Variants in CEP112 observed in about 807,000 individuals in gnomAD.
The protein encoded by CEP112 is centrosomal protein of 112 kDa.
In CEP112, 127 loss-of-function variants were observed where a neutral mutation model predicts 153.0. The observed-to-expected ratio is 0.83, with a 90% CI of 0.72 to 0.96. CEP112 has a LOEUF of 0.96. CEP112 is among the 40% of genes least tolerant of loss of function. The pLI is 0.00. For synonymous variants in CEP112, 358 were observed against 374.4 expected, an observed-to-expected ratio of 0.96 and a Z score of 0.51; for missense variants, 1,089 against 1,101.2, an observed-to-expected ratio of 0.99 and a Z score of 0.16.
chr17:65,690,062 T>C (rs1325934577), intron 23 of CEP112, among the ~76,000 whole-genome samples: 1 of 142,478 alleles, frequency 7.0e-6, no homozygotes, highest in African/African-American at 2.6e-5. Flanking sequence ...TCCTGCTGTG[T>C]GTCAAGAATT....
chr17:66,181,345 TA>T (rs1042714022), intron 2 of CEP112, among the ~76,000 whole-genome samples: 1 of 152,158 alleles, frequency 6.6e-6, no homozygotes, highest in African/African-American at 2.4e-5. Context: ...TCTATGTACC[TA>T]ACTTTTTTTT....
intron 1 of CEP112, among the ~76,000 whole-genome samples, chr17:66,185,379 T>C (rs2072885790): frequency 1.3e-5 from 2 of 152,080 alleles, no homozygotes; most frequent in Admixed American, 6.5e-5. Context: ...CACACCACCA[T>C]GCCCGGCTAA....
intron 4 of CEP112, among the ~76,000 whole-genome samples, chr17:66,133,739 T>G (rs1349370647): frequency 2.0e-5 from 3 of 152,172 alleles, no homozygotes; most frequent in African/African-American, 7.2e-5. Flanking sequence ...GTCACTAACA[T>G]TCAACCACAA....
chr17:65,840,146 G>T (rs1205509963), intron 21 of CEP112, among the ~76,000 whole-genome samples: 6 of 152,010 alleles, frequency 3.9e-5, no homozygotes, highest in Non-Finnish European at 8.8e-5. Context: ...ATTCTTCAGA[G>T]AAATATAAAA....
At chr17:66,070,919 G>A (rs1392980154) in intron 8 of CEP112, among the ~76,000 whole-genome samples, 4 of 151,980 alleles carry the variant, frequency 2.6e-5, no homozygotes, top group African/African-American at 9.7e-5. Flanking sequence ...GCTAATTAAG[G>A]AAAAGTATCC....
chr17:65,731,358 C>A (rs1170786520), intron 23 of CEP112, among the ~76,000 whole-genome samples: 3 of 152,158 alleles, frequency 2.0e-5, no homozygotes, highest in Non-Finnish European at 4.4e-5. Context: ...TGTGCGATAG[C>A]ATTATGTCTA....
At chr17:66,079,767 A>C (rs1356855799) in intron 8 of CEP112, among the ~76,000 whole-genome samples, 1 of 152,188 alleles carries the variant, frequency 6.6e-6, no homozygotes, top group Non-Finnish European at 1.5e-5. Context: ...CTATGCTACA[A>C]GGCTACATAA....
At chr17:65,989,244 AAAAAAAAG>A (rs59166558) in intron 17 of CEP112, among the ~76,000 whole-genome samples, 9,280 of 133,624 alleles carry the variant, frequency 0.069, 483 homozygotes, top group African/African-American at 0.13. Flanking sequence ...CAAAAAAAAA[AAAAAAAAG>A]AAAGAAAGAA....
intron 21 of CEP112, among the ~76,000 whole-genome samples, chr17:65,834,860 G>A (rs571582340): frequency 6.6e-6 from 1 of 152,114 alleles, no homozygotes; most frequent in African/African-American, 2.4e-5. Context: ...ATACCCAAAG[G>A]AATATAAATC....
chr17:65,720,135 C>G (rs1323855926), intron 23 of CEP112, among the ~76,000 whole-genome samples: 1 of 152,166 alleles, frequency 6.6e-6, no homozygotes, highest in Non-Finnish European at 1.5e-5. Context: ...TGACATGAAC[C>G]GCATTTGGGA....
chr17:65,746,180 A>AG (rs1432212493), intron 22 of CEP112, among the ~76,000 whole-genome samples: 1 of 150,476 alleles, frequency 6.6e-6, no homozygotes, highest in Non-Finnish European at 1.5e-5. Flanking sequence ...AAAAAAAAAA[A>AG]AAAAAAAAGA....
intron 4 of CEP112, among the ~76,000 whole-genome samples, chr17:66,153,468 CAAAAA>C (rs11303537): frequency 4.0e-5 from 5 of 123,658 alleles, no homozygotes; most frequent in Non-Finnish European, 6.7e-5. Context: ...TAGAAAAGGC[CAAAAA>C]AAAAAAAAAA....
intron 21 of CEP112, among the ~76,000 whole-genome samples, chr17:65,837,223 A>C (rs1288965589): frequency 6.6e-6 from 1 of 150,902 alleles, no homozygotes. Context: ...CCCGGCCGCC[A>C]CCCCGTCTAG....
intron 20 of CEP112, among the ~76,000 whole-genome samples, chr17:65,887,133 G>A (rs954842284): frequency 6.6e-6 from 1 of 152,160 alleles, no homozygotes; most frequent in Admixed American, 6.5e-5. Context: ...GGATATGCCT[G>A]TAACTTATAA....
chr17:65,643,196 G>C, intron 24 of CEP112, among the ~76,000 whole-genome samples: 1 of 152,228 alleles, frequency 6.6e-6, no homozygotes, highest in Non-Finnish European at 1.5e-5. Flanking sequence ...AGGTGAGCTT[G>C]ATCTCATCAT....
intron 17 of CEP112, among the ~76,000 whole-genome samples, chr17:65,994,480 C>T (rs968737654): frequency 6.6e-6 from 1 of 152,074 alleles, no homozygotes; most frequent in Non-Finnish European, 1.5e-5. Flanking sequence ...GAGGCATGTG[C>T]CACCCAGCCA....
intron 8 of CEP112, among the ~76,000 whole-genome samples, chr17:66,095,279 T>C (rs978917419): frequency 4.6e-5 from 7 of 151,976 alleles, no homozygotes; most frequent in African/African-American, 1.7e-4. Flanking sequence ...ATGTGATATA[T>C]ATATACACAT....
At chr17:65,917,237 G>A (rs1158435626) in intron 19 of CEP112, among the ~76,000 whole-genome samples, 6 of 152,150 alleles carry the variant, frequency 3.9e-5, no homozygotes, top group Non-Finnish European at 7.4e-5. Context: ...AGGACCACAG[G>A]GGCTGATATG....
chr17:65,775,627 C>T (rs12938557), intron 21 of CEP112, among the ~76,000 whole-genome samples: 77,313 of 151,438 alleles, frequency 0.51, 21,355 homozygotes, highest in Non-Finnish European at 0.63. Context: ...CTCAGCCTCC[C>T]GAGTAGTTGG....
Sources: gnomAD v4.1 joint callset for allele counts (sites outside exome capture counted in the v4.1 genomes callset) on GRCh38, gnomAD v4.1.1 for gene constraint, MANE v1.5 for transcripts, NCBI Gene and HGNC (gene_info 2026-07-23, HGNC 2026-07-21) for gene names.